The following SLC12A6 variants were observed in gnomAD, a reference collection of about 807,000 sequenced individuals.
SLC12A6 encodes solute carrier family 12 member 6.
A neutral mutation model predicts 135.3 loss-of-function variants in SLC12A6; 66 were observed. That is an observed-to-expected ratio of 0.49 (90% CI 0.40 to 0.60). SLC12A6 has a LOEUF of 0.60. SLC12A6 is among the 20% of genes least tolerant of loss of function. The pLI is 0.00. For missense variants in SLC12A6, 1,058 were observed against 1,452.3 expected, an observed-to-expected ratio of 0.73 and a Z score of 4.41; for synonymous variants, 513 against 508.8, an observed-to-expected ratio of 1.01 and a Z score of -0.11.
chr15:34,276,070 C>T (rs1408103312), intron 2 of SLC12A6, among the ~76,000 whole-genome samples: 1 of 151,904 alleles, frequency 6.6e-6, no homozygotes, highest in Admixed American at 6.6e-5. Flanking sequence ...GTAATTAATG[C>T]CACTGAGTTG....
intron 3 of SLC12A6, among the ~76,000 whole-genome samples, chr15:34,273,267 C>T (rs922252640): frequency 6.6e-6 from 1 of 152,190 alleles, no homozygotes; most frequent in Non-Finnish European, 1.5e-5. Context: ...CAGAGAACTG[C>T]TTGAATCTGA....
In SLC12A6 at chr15:34,242,095, C is replaced by T; in HGVS notation, c.2162+7G>A. On this transcript the variant is annotated splice_region_variant and intron_variant, in intron 17 of 25. Coordinates refer to ENST00000354181, the MANE Select transcript of SLC12A6 (RefSeq NM_001365088.1). ...TTAGCAGTGATCAAGATTAAATCCA[C>T]ACTCACCCTTGGTATTCAATGTACT... The T allele has an allele frequency of 1.2e-6, 2 of 1,602,870 alleles. No individual in the cohort carries two copies. The highest frequency in any genetic ancestry group is 1.7e-4 in the Middle Eastern group (1 of 6,038).
chr15:34,317,504 A>G (rs1888733040), intron 2 of SLC12A6, among the ~76,000 whole-genome samples: 1 of 152,162 alleles, frequency 6.6e-6, no homozygotes, highest in South Asian at 2.1e-4. Context: ...GGAGTTTGAG[A>G]TCAGCCTGGC....
intron 2 of SLC12A6, among the ~76,000 whole-genome samples, chr15:34,313,228 T>G (rs1221576773): frequency 6.6e-6 from 1 of 151,440 alleles, no homozygotes; most frequent in East Asian, 2.1e-4. Flanking sequence ...GAGCAAGTTG[T>G]GAATGCAAAG....
In SLC12A6 at chr15:34,285,202, A is replaced by C. The variant is rs1276315068; in HGVS notation, c.272-9813T>G. Among the ~76,000 whole-genome samples the C allele has an allele frequency of 3.3e-5, 5 of 152,222 alleles. No individual in the cohort carries two copies. The East Asian group carries it at 9.6e-4, about 29-fold the overall frequency. ...GCAGATAGCAGGGACCAAGCAAATA[A>C]ACAGAAAAAAGTTAGAAGGCTTTTA... On this transcript the variant is annotated intron_variant, in intron 2 of 25. Coordinates refer to ENST00000354181, the MANE Select transcript of SLC12A6 (RefSeq NM_001365088.1).
chr15:34,336,783 C>T (rs1371389896), intron 1 of SLC12A6, 31 bp from the exon 2 acceptor site: 3 of 920,662 alleles, frequency 3.3e-6, no homozygotes, highest in Non-Finnish European at 3.5e-6. Flanking sequence ...TGAAAAATAA[C>T]ACATTTCAAT....
At chr15:34,315,026 GGA>G (rs1888538928) in intron 2 of SLC12A6, among the ~76,000 whole-genome samples, 1 of 152,104 alleles carries the variant, frequency 6.6e-6, no homozygotes, top group African/African-American at 2.4e-5. Flanking sequence ...GAATAGATAA[GGA>G]GTTGCTTCTT....
Position 34,231,585 on chromosome 15 carries a change from TTTCTTTC to T in SLC12A6, c.*2289_*2295del, listed in dbSNP as rs1421069977. On this transcript the variant is annotated 3_prime_UTR_variant, in exon 26 of 26. Transcript: ENST00000354181. ...AAATCAAAATTACTCAATTTCTTTCTTTCTTTCTTTTTTTTTTTTTTTGAGATGGAGT... is the reference window on the plus strand; with the variant it reads ...AAATCAAAATTACTCAATTTCTTTCTTTTTTTTTTTTTTTTGAGATGGAGT... 1.8e-3 allele frequency: 251 copies of T among 142,344 alleles called. 5 individuals are homozygous for T. The Middle Eastern group carries it at 0.037, about 21-fold the overall frequency. 8.8% of individuals were successfully genotyped at this position (142,344 alleles called of 1,614,324 possible). A position where few individuals can be genotyped will look rare whatever the true frequency, so the allele number is the denominator to read the frequency against.
At chr15:34,265,976 G>C (rs866154192) in intron 3 of SLC12A6, among the ~76,000 whole-genome samples, 4 of 139,588 alleles carry the variant, frequency 2.9e-5, no homozygotes, top group African/African-American at 1.1e-4. Flanking sequence ...TGTGCTAATA[G>C]TTCATTTGGG....
intron 2 of SLC12A6, 92 bp downstream of exon 2, chr15:34,336,316 AAT>A: frequency 1.9e-6 from 2 of 1,027,298 alleles, no homozygotes; most frequent in Non-Finnish European, 3.0e-6. Flanking sequence ...TTATAATCAT[AAT>A]TATATGATTA....
intron 2 of SLC12A6, among the ~76,000 whole-genome samples, chr15:34,332,422 A>G (rs1365011600): frequency 6.6e-6 from 1 of 152,230 alleles, no homozygotes; most frequent in African/African-American, 2.4e-5. Flanking sequence ...CCTACAATTA[A>G]TACCAGACTG....
chr15:34,323,034 T>C (rs1441336971), intron 2 of SLC12A6, among the ~76,000 whole-genome samples: 14 of 148,876 alleles, frequency 9.4e-5, no homozygotes, highest in African/African-American at 3.3e-4. Context: ...AAGAAAATTT[T>C]CATAATAAAA....
intron 2 of SLC12A6, among the ~76,000 whole-genome samples, chr15:34,304,682 C>T (rs113571027): frequency 0.012 from 1,819 of 152,276 alleles, 15 homozygotes; most frequent in Middle Eastern, 0.037. Flanking sequence ...GCTTTTTCCT[C>T]TCCTCACCTT....
intron 3 of SLC12A6, among the ~76,000 whole-genome samples, chr15:34,274,345 TAGA>T (rs1894154677): frequency 6.6e-6 from 1 of 152,222 alleles, no homozygotes; most frequent in Non-Finnish European, 1.5e-5. Context: ...TAAAAATTTC[TAGA>T]AGAATTCCCA....
intron 9 of SLC12A6, among the ~76,000 whole-genome samples, chr15:34,253,168 G>T (rs1892512900): frequency 6.6e-6 from 1 of 152,146 alleles, no homozygotes; most frequent in African/African-American, 2.4e-5. Context: ...TTTGCAAAAT[G>T]ATTGAATACA....
intron 1 of SLC12A6, chr15:34,337,128 T>A: frequency 3.6e-6 from 1 of 276,200 alleles, no homozygotes; most frequent in Non-Finnish European, 7.1e-6. Context: ...GCGAAGTGCG[T>A]GCAGGCAAAC....
chr15:34,284,788 C>T (rs1464573851), intron 2 of SLC12A6, among the ~76,000 whole-genome samples: 1 of 152,136 alleles, frequency 6.6e-6, no homozygotes, highest in Non-Finnish European at 1.5e-5. Flanking sequence ...TAAAAGAATA[C>T]AGAGGACTAG....
At chr15:34,288,222 ATGTTTGTGT>A (rs1167825460) in intron 2 of SLC12A6, among the ~76,000 whole-genome samples, 3 of 150,890 alleles carry the variant, frequency 2.0e-5, no homozygotes, top group Non-Finnish European at 3.0e-5. Context: ...CACCATGTAT[ATGTTTGTGT>A]AGTTTGTGTA....
intron 10 of SLC12A6, among the ~76,000 whole-genome samples, chr15:34,251,780 A>G (rs1036642095): frequency 6.6e-6 from 1 of 152,206 alleles, no homozygotes; most frequent in Admixed American, 6.5e-5. Context: ...AAGACACTTA[A>G]GGAATGTTTC....
Sources: gnomAD v4.1 joint callset for allele counts (sites outside exome capture counted in the v4.1 genomes callset) on GRCh38, gnomAD v4.1.1 for gene constraint, MANE v1.5 for transcripts, NCBI Gene and HGNC (gene_info 2026-07-23, HGNC 2026-07-21) for gene names.